Variants in ZC3H12B observed in about 807,000 individuals in gnomAD.
The protein encoded by ZC3H12B is zinc finger CCCH-type containing 12B, also known as probable ribonuclease ZC3H12B.
Under a neutral mutation model 43.9 loss-of-function variants are expected in ZC3H12B, and 7 were observed. The ratio of observed to expected loss-of-function variants is 0.16; its 90% CI spans 0.09 to 0.30. ZC3H12B has a LOEUF of 0.30. Ranked by LOEUF, ZC3H12B falls within the 10% of genes least tolerant of loss-of-function variation. ZC3H12B has a pLI of 1.00. For missense variants in ZC3H12B, 475 were observed against 670.2 expected, an observed-to-expected ratio of 0.71 and a Z score of 3.22; for synonymous variants, 222 against 241.7, an observed-to-expected ratio of 0.92 and a Z score of 0.76.
chrX:65,380,697 TG>T (rs1361564621), intron 2 of ZC3H12B, among the ~76,000 whole-genome samples: 1 of 111,901 alleles, frequency 8.9e-6, no homozygotes, highest in Non-Finnish European at 1.9e-5. Flanking sequence ...ATCAGTGTGC[TG>T]TATTCAGGAA....
chrX:65,374,817 G>A (rs893175258), intron 2 of ZC3H12B, among the ~76,000 whole-genome samples: 4 of 111,102 alleles, frequency 3.6e-5, no homozygotes, highest in Non-Finnish European at 5.7e-5. Flanking sequence ...GCAAGGAGAC[G>A]TGTCCAGCAA....
chrX:65,394,659 T>C (rs1429087871), intron 2 of ZC3H12B, among the ~76,000 whole-genome samples: 2 of 111,956 alleles, frequency 1.8e-5, no homozygotes, highest in Admixed American at 9.5e-5. Context: ...TTGTTCTTTT[T>C]ACTTAGGATT....
chrX:65,411,382 AG>A (rs2066901352), intron 3 of ZC3H12B, among the ~76,000 whole-genome samples: 2 of 112,095 alleles, frequency 1.8e-5, no homozygotes, highest in Non-Finnish European at 3.8e-5. Flanking sequence ...ACCACACGGA[AG>A]GGTGACCTTA....
rs775163650 is a variant in ZC3H12B at position 65,374,950 on chromosome X, A to C, written n.295+5952A>C. Reference sequence around the variant, plus strand: ...CCTCCCATCAGGTCCTTCCCATGACACATGGGGAGTATGGGAACTACAATT... The same window carrying C: ...CCTCCCATCAGGTCCTTCCCATGACCCATGGGGAGTATGGGAACTACAATT... On this transcript the variant is annotated intron_variant and non_coding_transcript_variant, in intron 2 of 5. Coordinates refer to the ZC3H12B transcript ENST00000617377. Among the ~76,000 whole-genome samples the C allele has an allele frequency of 4.4e-3, 486 of 111,535 alleles. 4 individuals are homozygous for C. Among genetic ancestry groups the C allele is most frequent in the African/African-American group, 0.015 (470 of 30,659 alleles).
Position 65,457,874 on chromosome X carries a change from C to T in ZC3H12B, n.408-30772C>T, listed in dbSNP as rs1602479894. ...AACAGATGCTTGAAGGCAGCATGCT[C>T]GTTAAGAGTCATCACCACTCCCTAA... On this transcript the variant is annotated intron_variant and non_coding_transcript_variant, in intron 3 of 5. Coordinates refer to the ZC3H12B transcript ENST00000617377. Among the ~76,000 whole-genome samples the T allele has an allele frequency of 4.8e-5, 3 of 62,908 alleles. No individual in the cohort carries two copies. In the Admixed American group the frequency reaches 5.5e-4, roughly 12 times the overall value. The allele number at this position is 62,908 out of a possible 115,157, so 54.6% of individuals were successfully genotyped here. A position where few individuals can be genotyped will look rare whatever the true frequency, so the allele number is the denominator to read the frequency against.
At chrX:65,148,047 G>T in the ZC3H12B span, among the ~76,000 whole-genome samples, 1 of 110,457 alleles carries the variant, frequency 9.1e-6, no homozygotes, top group East Asian at 2.9e-4. Flanking sequence ...AATGGGATGA[G>T]CCTGGACCCT....
intron 3 of ZC3H12B, among the ~76,000 whole-genome samples, chrX:65,477,899 T>G (rs2068016857): frequency 9.2e-6 from 1 of 109,130 alleles, no homozygotes; most frequent in South Asian, 4.0e-4. Context: ...GCTCTGATCA[T>G]TTTTCTTTAT....
At chrX:65,397,357 G>A (rs958708652) in intron 2 of ZC3H12B, among the ~76,000 whole-genome samples, 16 of 111,622 alleles carry the variant, frequency 1.4e-4, no homozygotes, top group African/African-American at 5.2e-4. Context: ...TCCCATATTA[G>A]GGCTTCCTTC....
intron 3 of ZC3H12B, among the ~76,000 whole-genome samples, chrX:65,446,588 C>T (rs949326716): frequency 2.7e-5 from 3 of 111,954 alleles, no homozygotes; most frequent in Non-Finnish European, 5.6e-5. Flanking sequence ...TTCACAGGCA[C>T]TGGATAAATT....
the ZC3H12B span, among the ~76,000 whole-genome samples, chrX:65,269,652 A>C: frequency 9.1e-6 from 1 of 109,837 alleles, no homozygotes; most frequent in South Asian, 4.0e-4. Context: ...GGAATGCACC[A>C]TCACACCTGG....
chrX:65,207,251 T>TACACAC, the ZC3H12B span, among the ~76,000 whole-genome samples: 5 of 101,036 alleles, frequency 4.9e-5, no homozygotes, highest in African/African-American at 1.5e-4. Flanking sequence ...TGTGTATATA[T>TACACAC]ACACACACAC....
the ZC3H12B span, among the ~76,000 whole-genome samples, chrX:65,218,994 A>AAGAC: frequency 8.9e-6 from 1 of 111,962 alleles, no homozygotes; most frequent in Admixed American, 9.5e-5. Flanking sequence ...ATCATATTAC[A>AAGAC]AGACTCTTTG....
chrX:65,385,347 C>G (rs898238033), intron 2 of ZC3H12B, among the ~76,000 whole-genome samples: 1 of 111,659 alleles, frequency 9.0e-6, no homozygotes, highest in Non-Finnish European at 1.9e-5. Flanking sequence ...TGTAGTTCTC[C>G]TTGAAGAGGT....
chrX:65,446,773 C>T (rs2067383000), intron 3 of ZC3H12B, among the ~76,000 whole-genome samples: 1 of 111,992 alleles, frequency 8.9e-6, no homozygotes, highest in African/African-American at 3.2e-5. Context: ...TTCTTATCCT[C>T]TTTAGTGCCC....
the ZC3H12B span, among the ~76,000 whole-genome samples, chrX:65,035,101 C>A: frequency 8.9e-6 from 1 of 112,366 alleles, no homozygotes; most frequent in Non-Finnish European, 1.9e-5. Flanking sequence ...CGCAAGGCAC[C>A]AAGCTGTCTC....
At position 65,388,680 on chromosome X, in the gene ZC3H12B, G is replaced by C. The variant is rs979035286; in HGVS notation, n.296-9913G>C. 5.4e-5 allele frequency among the ~76,000 whole-genome samples: 6 copies of C among 111,841 alleles called. No individual in the cohort carries two copies. In the Admixed American group the frequency reaches 5.7e-4, roughly 11 times the overall value. On this transcript the variant is annotated intron_variant and non_coding_transcript_variant, in intron 2 of 5. Transcript: ENST00000617377. Reference sequence around the variant, plus strand: ...CTCCATCCGGGTTTGTTCCATTGCTGGTGAGGAGCTGCATTCCTTTGGAGG... The same window carrying C: ...CTCCATCCGGGTTTGTTCCATTGCTCGTGAGGAGCTGCATTCCTTTGGAGG...
chrX:65,454,321 C>CA (rs2067570708), intron 3 of ZC3H12B, among the ~76,000 whole-genome samples: 1 of 112,466 alleles, frequency 8.9e-6, no homozygotes, highest in African/African-American at 3.2e-5. Context: ...AAGAGCACAC[C>CA]AGGAGATTAT....
At chrX:65,166,312 G>A in the ZC3H12B span, among the ~76,000 whole-genome samples, 2 of 110,976 alleles carry the variant, frequency 1.8e-5, no homozygotes, top group African/African-American at 6.6e-5. Context: ...TTCTGTCCTT[G>A]CGATAGTTTC....
chrX:65,215,283 T>C, the ZC3H12B span, among the ~76,000 whole-genome samples: 32 of 111,848 alleles, frequency 2.9e-4, no homozygotes, highest in South Asian at 0.012. Flanking sequence ...TTGACTTCTG[T>C]CTAGCTGTGA....
Sources: gnomAD v4.1 joint callset for allele counts (sites outside exome capture counted in the v4.1 genomes callset) on GRCh38, gnomAD v4.1.1 for gene constraint, MANE v1.5 for transcripts, NCBI Gene and HGNC (gene_info 2026-07-23, HGNC 2026-07-21) for gene names.